IMMP2L: variants seen among roughly 807,000 people sequenced by gnomAD.
IMMP2L encodes the protein mitochondrial inner membrane protease subunit 2.
In IMMP2L, 18 loss-of-function variants were observed where a neutral mutation model predicts 19.3. That is an observed-to-expected ratio of 0.93 (90% CI 0.64 to 1.38). IMMP2L has a LOEUF of 1.38. IMMP2L is among the 40% of genes most tolerant of loss of function. The probability of loss-of-function intolerance (pLI) is 0.00; values close to 1 mark genes in which losing one functional copy is unlikely to be tolerated. For missense variants in IMMP2L, 233 were observed against 218.2 expected, an observed-to-expected ratio of 1.07 and a Z score of -0.43; for synonymous variants, 76 against 73.0, an observed-to-expected ratio of 1.04 and a Z score of -0.21.
At chr7:111,284,442 T>C (rs1431575465) in intron 3 of IMMP2L, among the ~76,000 whole-genome samples, 1 of 151,872 alleles carries the variant, frequency 6.6e-6, no homozygotes, top group Non-Finnish European at 1.5e-5. Context: ...GGAGTAGGAC[T>C]GAGAAATTGG....
chr7:111,442,609 C>T (rs1199743986), intron 3 of IMMP2L, among the ~76,000 whole-genome samples: 7 of 151,544 alleles, frequency 4.6e-5, no homozygotes, highest in Admixed American at 2.0e-4. Context: ...ATGAGAAGGC[C>T]GAAGTGTCAA....
intron 2 of IMMP2L, among the ~76,000 whole-genome samples, chr7:111,503,291 A>G (rs1844501416): frequency 6.6e-6 from 1 of 152,196 alleles, no homozygotes. Flanking sequence ...ATCTCTGAAT[A>G]GAACAATAAG....
chr7:111,502,280 T>G (rs1239907470), intron 2 of IMMP2L, among the ~76,000 whole-genome samples: 1 of 152,230 alleles, frequency 6.6e-6, no homozygotes, highest in East Asian at 1.9e-4. Flanking sequence ...CTATCCTAAA[T>G]ATATATGCAC....
intron 3 of IMMP2L, among the ~76,000 whole-genome samples, chr7:110,987,863 T>G (rs536296486): frequency 2.6e-4 from 40 of 152,290 alleles, no homozygotes; most frequent in African/African-American, 9.6e-4. Context: ...TGTTACTGTC[T>G]CAGCTTAAGG....
chr7:111,470,278 G>T (rs2132096466), intron 3 of IMMP2L, among the ~76,000 whole-genome samples: 1 of 152,070 alleles, frequency 6.6e-6, no homozygotes, highest in Admixed American at 6.5e-5. Flanking sequence ...CTGTTGGTGG[G>T]ACTGTAAACT....
At chr7:111,084,929 G>A (rs1796186781) in intron 3 of IMMP2L, among the ~76,000 whole-genome samples, 3 of 152,180 alleles carry the variant, frequency 2.0e-5, no homozygotes, top group Admixed American at 2.0e-4. Context: ...TGTTATTATA[G>A]TATGAGTAAC....
rs1033512349 is a variant in IMMP2L, at chr7:110,692,639, G to T, written c.409-28918C>A. On this transcript the variant is annotated intron_variant, in intron 5 of 5. Coordinates refer to ENST00000405709, the MANE Select transcript of IMMP2L (RefSeq NM_032549.4). ...CTAAAGAAAATAAGTTTCAAACTTC[G>T]CCGATTATTTACAATTTGTTATTTA... Among the ~76,000 whole-genome samples, 4 of 152,032 alleles carry T rather than the reference G, an allele frequency of 2.6e-5. No individual in the cohort carries two copies. In the South Asian group the frequency reaches 6.2e-4, roughly 24 times the overall value.
At chr7:111,500,611 C>T (rs566650885) in intron 2 of IMMP2L, among the ~76,000 whole-genome samples, 3 of 152,132 alleles carry the variant, frequency 2.0e-5, no homozygotes, top group Non-Finnish European at 2.9e-5. Context: ...GACAAAACTT[C>T]CAGAGGAACA....
chr7:111,181,394 G>GT (rs1793265935), intron 3 of IMMP2L, among the ~76,000 whole-genome samples: 1 of 151,970 alleles, frequency 6.6e-6, no homozygotes, highest in Non-Finnish European at 1.5e-5. Context: ...TTAATAGAAT[G>GT]TAAGTAATGT....
chr7:110,847,891 C>T (rs1362093879), intron 5 of IMMP2L, among the ~76,000 whole-genome samples: 3 of 152,110 alleles, frequency 2.0e-5, no homozygotes, highest in Non-Finnish European at 4.4e-5. Flanking sequence ...ACAGACTTTA[C>T]ACCCTTTACA....
chr7:110,744,191 G>C (rs1181862489), intron 5 of IMMP2L, among the ~76,000 whole-genome samples: 2 of 152,138 alleles, frequency 1.3e-5, no homozygotes, highest in Non-Finnish European at 2.9e-5. Context: ...GGCTGCTGCA[G>C]CCAGACTGTC....
At chr7:110,718,228 G>A (rs1239731347) in intron 5 of IMMP2L, among the ~76,000 whole-genome samples, 1 of 152,204 alleles carries the variant, frequency 6.6e-6, no homozygotes, top group Non-Finnish European at 1.5e-5. Flanking sequence ...ATACAGGCAT[G>A]ATTTCTGGTG....
intron 5 of IMMP2L, among the ~76,000 whole-genome samples, chr7:110,779,782 G>A (rs1799615570): frequency 6.6e-6 from 1 of 151,738 alleles, no homozygotes; most frequent in Non-Finnish European, 1.5e-5. Flanking sequence ...TTATTTTCCT[G>A]GCAGGATCTT....
At chr7:110,932,306 C>T (rs767514304) in intron 4 of IMMP2L, among the ~76,000 whole-genome samples, 1 of 152,118 alleles carries the variant, frequency 6.6e-6, no homozygotes, top group Non-Finnish European at 1.5e-5. Context: ...TTTCTGAAAT[C>T]GCTGCTTCAG....
intron 3 of IMMP2L, among the ~76,000 whole-genome samples, chr7:110,993,762 C>A (rs998381386): frequency 5.3e-5 from 8 of 152,076 alleles, no homozygotes; most frequent in African/African-American, 1.9e-4. Context: ...TGCTCCCCTA[C>A]TGCCAAAACC....
intron 3 of IMMP2L, among the ~76,000 whole-genome samples, chr7:111,264,768 G>A (rs1817662911): frequency 6.6e-6 from 1 of 151,436 alleles, no homozygotes; most frequent in Admixed American, 6.6e-5. Flanking sequence ...CTCTGTTGAA[G>A]AAGCAGTTTT....
intron 3 of IMMP2L, among the ~76,000 whole-genome samples, chr7:111,473,705 T>A (rs1261400733): frequency 1.3e-5 from 2 of 152,160 alleles, no homozygotes; most frequent in Non-Finnish European, 2.9e-5. Context: ...CTAGAGAATA[T>A]TTGCAATAAG....
chr7:110,921,870 CT>C (rs1814332426), intron 4 of IMMP2L, among the ~76,000 whole-genome samples: 2 of 152,298 alleles, frequency 1.3e-5, no homozygotes, highest in African/African-American at 4.8e-5. Context: ...TCCAAGATAA[CT>C]TTTCAGAGCA....
chr7:110,968,505 C>G (rs1359891370), intron 3 of IMMP2L, among the ~76,000 whole-genome samples: 1 of 151,952 alleles, frequency 6.6e-6, no homozygotes, highest in East Asian at 1.9e-4. Flanking sequence ...GAAACCCCGT[C>G]TCTACAAAAA....
Sources: gnomAD v4.1 joint callset for allele counts (sites outside exome capture counted in the v4.1 genomes callset) on GRCh38, gnomAD v4.1.1 for gene constraint, MANE v1.5 for transcripts, NCBI Gene and HGNC (gene_info 2026-07-23, HGNC 2026-07-21) for gene names.